Variants in LRRTM3 observed in about 807,000 individuals in gnomAD.
LRRTM3 encodes leucine rich repeat transmembrane neuronal 3, also known as leucine-rich repeat transmembrane neuronal protein 3.
In LRRTM3, 24 loss-of-function variants were observed where a neutral mutation model predicts 44.7. The ratio of observed to expected loss-of-function variants is 0.54; its 90% CI spans 0.39 to 0.76. The LOEUF (loss-of-function observed/expected upper bound fraction) is 0.76, where lower values mean the gene tolerates loss of function less well. LRRTM3 is among the 30% of genes least tolerant of loss of function. The pLI, the probability that LRRTM3 is intolerant of heterozygous loss-of-function variation, is 0.00. For synonymous variants in LRRTM3, 277 were observed against 278.7 expected (o/e 0.99, Z 0.06); for missense variants, 587 against 702.2 (o/e 0.84, Z 1.85).
intron 2 of LRRTM3, among the ~76,000 whole-genome samples, chr10:67,056,119 G>A (rs1855413173): frequency 6.6e-6 from 1 of 152,016 alleles, no homozygotes; most frequent in South Asian, 2.1e-4. Context: ...AAAATAAAAG[G>A]GTAGTCTACC....
chr10:67,004,182 G>T (rs1287723709), intron 2 of LRRTM3, among the ~76,000 whole-genome samples: 10 of 151,942 alleles, frequency 6.6e-5, no homozygotes. Flanking sequence ...TTAATTAACA[G>T]GGTCATTGAA....
chr10:67,096,930 T>C (rs1030097036), intron 2 of LRRTM3, among the ~76,000 whole-genome samples: 11 of 151,920 alleles, frequency 7.2e-5, no homozygotes, highest in Admixed American at 2.0e-4. Flanking sequence ...TTTTAAGGAA[T>C]CTTCATGATA....
intron 2 of LRRTM3, among the ~76,000 whole-genome samples, chr10:67,070,052 C>T (rs1467827051): frequency 6.6e-6 from 1 of 152,174 alleles, no homozygotes; most frequent in Non-Finnish European, 1.5e-5. Context: ...ACATCGTTGA[C>T]CAACACATAT....
intron 2 of LRRTM3, among the ~76,000 whole-genome samples, chr10:67,008,386 A>T (rs1355931461): frequency 6.6e-6 from 1 of 152,110 alleles, no homozygotes; most frequent in Non-Finnish European, 1.5e-5. Context: ...TCAGTTTTTT[A>T]GTTGGAATCC....
chr10:67,042,798 T>C (rs1265351923), intron 2 of LRRTM3, among the ~76,000 whole-genome samples: 1 of 152,160 alleles, frequency 6.6e-6, no homozygotes, highest in East Asian at 1.9e-4. Context: ...TGGTGTCAGT[T>C]GTCAATGATT....
chr10:67,034,513 G>C (rs576809993), intron 2 of LRRTM3, among the ~76,000 whole-genome samples: 1 of 152,118 alleles, frequency 6.6e-6, no homozygotes, highest in East Asian at 1.9e-4. Context: ...TGGTTCCTGG[G>C]TATTGTCATC....
intron 2 of LRRTM3, among the ~76,000 whole-genome samples, chr10:67,096,593 C>T (rs756407642): frequency 4.3e-4 from 65 of 151,962 alleles, no homozygotes; most frequent in Middle Eastern, 3.4e-3. Flanking sequence ...CTGAAATCTG[C>T]CTACTTTTTA....
At chr10:67,022,572 G>T in intron 2 of LRRTM3, among the ~76,000 whole-genome samples, 1 of 152,174 alleles carries the variant, frequency 6.6e-6, no homozygotes. Context: ...TAGTAAGGTT[G>T]CAGTGTACAA....
chr10:67,093,751 A>G (rs774778922), intron 2 of LRRTM3, among the ~76,000 whole-genome samples: 14 of 152,002 alleles, frequency 9.2e-5, no homozygotes, highest in Non-Finnish European at 1.8e-4. Flanking sequence ...GAAAAATACC[A>G]TATGCAGATT....
chr10:67,023,879 T>C (rs905848509), intron 2 of LRRTM3, among the ~76,000 whole-genome samples: 2 of 152,214 alleles, frequency 1.3e-5, no homozygotes, highest in African/African-American at 2.4e-5. Context: ...TGACACTCAA[T>C]ACTTGGATGG....
intron 2 of LRRTM3, among the ~76,000 whole-genome samples, chr10:67,064,589 A>G (rs1855958744): frequency 6.6e-6 from 1 of 152,156 alleles, no homozygotes; most frequent in Non-Finnish European, 1.5e-5. Context: ...CTTAGTCATC[A>G]TTTGTGTTTT....
chr10:67,031,524 C>G (rs1199621054), intron 2 of LRRTM3, among the ~76,000 whole-genome samples: 4 of 152,068 alleles, frequency 2.6e-5, no homozygotes, highest in Non-Finnish European at 4.4e-5. Context: ...GGAATACTGC[C>G]AAGTAATGTC....
At chr10:66,961,575 T>A (rs1485611979) in intron 2 of LRRTM3, among the ~76,000 whole-genome samples, 3 of 152,080 alleles carry the variant, frequency 2.0e-5, no homozygotes, top group Non-Finnish European at 4.4e-5. Flanking sequence ...GACCTTCTCT[T>A]TTGTGTGTAA....
At chr10:67,068,299 A>G (rs768194490) in intron 2 of LRRTM3, among the ~76,000 whole-genome samples, 5 of 152,186 alleles carry the variant, frequency 3.3e-5, no homozygotes, top group African/African-American at 9.7e-5. Flanking sequence ...TAAAACACAT[A>G]TAGATGGTGA....
chr10:67,086,004 T>C (rs968669563), intron 2 of LRRTM3, among the ~76,000 whole-genome samples: 2 of 151,942 alleles, frequency 1.3e-5, no homozygotes, highest in African/African-American at 4.8e-5. Flanking sequence ...CCTAGGAACA[T>C]GGTGTTTAAA....
intron 2 of LRRTM3, among the ~76,000 whole-genome samples, chr10:67,043,912 A>T (rs1358636831): frequency 6.6e-6 from 1 of 151,802 alleles, no homozygotes; most frequent in Non-Finnish European, 1.5e-5. Context: ...ATTTTAATGC[A>T]AAAATAATCT....
At chr10:66,947,448 G>T (rs1848332030) in intron 2 of LRRTM3, among the ~76,000 whole-genome samples, 1 of 152,120 alleles carries the variant, frequency 6.6e-6, no homozygotes, top group Non-Finnish European at 1.5e-5. Flanking sequence ...GAATGGTTCT[G>T]CTTCTTCTAC....
intron 2 of LRRTM3, among the ~76,000 whole-genome samples, chr10:67,095,068 G>A (rs1200124652): frequency 9.0e-6 from 1 of 110,990 alleles, no homozygotes; most frequent in Non-Finnish European, 1.9e-5. Flanking sequence ...CTGTATGTGT[G>A]TACCCCTATA....
At chr10:66,959,230 T>C (rs1848991096) in intron 2 of LRRTM3, among the ~76,000 whole-genome samples, 1 of 152,198 alleles carries the variant, frequency 6.6e-6, no homozygotes. Flanking sequence ...TCAAAACCTC[T>C]TCCTCTCTAT....
Sources: gnomAD v4.1 joint callset for allele counts (sites outside exome capture counted in the v4.1 genomes callset) on GRCh38, gnomAD v4.1.1 for gene constraint, MANE v1.5 for transcripts, NCBI Gene and HGNC (gene_info 2026-07-23, HGNC 2026-07-21) for gene names.